IL10: variants seen among roughly 807,000 people sequenced by gnomAD.
IL10 encodes interleukin 10.
Under a neutral mutation model 21.0 loss-of-function variants are expected in IL10, and 7 were observed. The ratio of observed to expected loss-of-function variants is 0.33; its 90% CI spans 0.19 to 0.63. The LOEUF (loss-of-function observed/expected upper bound fraction) is 0.63. IL10 is among the 20% of genes least tolerant of loss of function. The probability of loss-of-function intolerance (pLI) is 0.77; values close to 1 mark genes in which losing one functional copy is unlikely to be tolerated. For missense variants in IL10, 161 were observed against 213.0 expected (o/e 0.76, Z 1.52); for synonymous variants, 83 against 79.7 (o/e 1.04, Z -0.22).
intron 3 of IL10, 104 bp downstream of exon 3, chr1:206,770,803 A>T: frequency 9.0e-7 from 1 of 1,108,472 alleles, no homozygotes; most frequent in Non-Finnish European, 1.4e-6. Context: ...TAGCTCTGCC[A>T]GTCTGTGTCT....
At chr1:206,769,925 C>T (rs1158019536) in intron 3 of IL10, 31 bp from the exon 4 acceptor site, 7 of 1,589,860 alleles carry the variant, frequency 4.4e-6, no homozygotes, top group Non-Finnish European at 3.5e-6. Context: ...TGTTGGTGAT[C>T]CTGGCTTCCA....
In IL10 at chr1:206,768,059, C is replaced by G; in HGVS notation, c.*577G>C. The stretch of plus-strand genomic sequence containing the variant: ...ACCAAATTTAGGTTGTTATAAATAA[C>G]AAGCTGGCCACAGCTTTCAAGAATG... On this transcript the variant is annotated 3_prime_UTR_variant, in exon 5 of 5. Transcript: ENST00000423557. 1 of 193,298 alleles carries G rather than the reference C, an allele frequency of 5.2e-6. No individual in the cohort carries two copies. Among genetic ancestry groups the G allele is most frequent in the East Asian group, 8.1e-5 (1 of 12,298 alleles). The allele number at this position is 193,298 out of a possible 1,614,324, so 12.0% of individuals were successfully genotyped here.
rs1244150736 is a variant in IL10 at position 206,772,468 on chromosome 1, T to C, written c.-33A>G. ...TTTGCAAGTCTGTCTTGTGGTTTGG[T>C]TTTGCAAGAGCAAGCCCCTGATGTG... On this transcript the variant is annotated 5_prime_UTR_variant, in exon 1 of 5. Coordinates refer to ENST00000423557, the MANE Select transcript of IL10 (RefSeq NM_000572.3). 1 of 1,611,858 alleles carries C rather than the reference T, an allele frequency of 6.2e-7. No homozygotes were observed. Among genetic ancestry groups the C allele is most frequent in the Admixed American group, 1.7e-5 (1 of 59,992 alleles).
Position 206,771,388 on chromosome 1 carries a change from A to G in IL10, c.193T>C (p.Leu65=), listed in dbSNP as rs771126533. The change falls in exon 2 of 5, where the codon TTG becomes CTG. Residue 65 remains leucine (L), a synonymous_variant. Transcript: ENST00000423557. ...FQMKDQLDNL[L]LKESLLEDFK... ...TCCTCCAGCAAGGACTCCTTTAACA[A>G]CAAGTTGTCCAGCTGATCCTTCATT... 1.6e-5 allele frequency: 26 copies of G among 1,613,246 alleles called. No homozygotes were observed. The highest frequency in any genetic ancestry group is 2.2e-5 in the Non-Finnish European group (26 of 1,179,734).
intron 1 of IL10, among the ~76,000 whole-genome samples, 170 bp from the exon 2 acceptor site, chr1:206,771,585 C>T (rs1674844414): frequency 6.6e-6 from 1 of 151,942 alleles, no homozygotes. Flanking sequence ...GTGATGGGAC[C>T]ATCACTTAAA....
Position 206,772,311 on chromosome 1 carries a change from C to A in IL10, c.125G>T (p.Arg42Leu). 6 of 1,614,192 alleles carry A rather than the reference C, an allele frequency of 3.7e-6. No homozygotes were observed. The highest frequency in any genetic ancestry group is 5.1e-6 in the Non-Finnish European group (6 of 1,180,020). ...TCTGCTGAAGGCATCTCGGAGATCT[C>A]GAAGCATGTTAGGCAGGTTGCCTGG... The part of the protein sequence containing the change: ...HFPGNLPNML[R>L]DLRDAFSRVK... Residue 42 changes from arginine to leucine, a missense_variant, in exon 1 of 5, where the codon CGA becomes CTA. By Grantham distance (102) the Arg-to-Leu change is moderately radical. Coordinates refer to ENST00000423557, the MANE Select transcript of IL10 (RefSeq NM_000572.3).
At chr1:206,769,678 G>GA (rs2102437750) in intron 4 of IL10, 151 bp downstream of exon 4, 1 of 717,760 alleles carries the variant, frequency 1.4e-6, no homozygotes, top group East Asian at 2.6e-5. Context: ...GCTCCTCACT[G>GA]GCTGAGCAGG....
At chr1:206,770,817 C>T in intron 3 of IL10, 90 bp downstream of exon 3, 1 of 1,237,974 alleles carries the variant, frequency 8.1e-7, no homozygotes, top group Non-Finnish European at 1.2e-6. Flanking sequence ...TGTGTCTTTG[C>T]TGTGTCTGTG....
In IL10 at chr1:206,768,095, G is replaced by A; in HGVS notation, c.*541C>T. Reference sequence around the variant, plus strand: ...CAGCTTTCAAGAATGAAGTGGTTGGGGAATGAGGTTAGGGGAATCCCTCCG... The same window carrying A: ...CAGCTTTCAAGAATGAAGTGGTTGGAGAATGAGGTTAGGGGAATCCCTCCG... On this transcript the variant is annotated 3_prime_UTR_variant, in exon 5 of 5. Coordinates refer to ENST00000423557, the MANE Select transcript of IL10 (RefSeq NM_000572.3). 1 of 204,308 alleles carries A rather than the reference G, an allele frequency of 4.9e-6. No homozygotes were observed. The highest frequency in any genetic ancestry group is 1.0e-5 in the Non-Finnish European group (1 of 99,616). The allele number at this position is 204,308 out of a possible 1,614,324, so 12.7% of individuals were successfully genotyped here.
Position 206,771,342 on chromosome 1 carries a change from G to A in IL10, c.225+14C>T, listed in dbSNP as rs779987907. ...ATGCTGCACACTCCCCCAGCACCCCGCCCCTGCTCTCACCTTAAAGTCCTC... is the reference window on the plus strand; with the variant it reads ...ATGCTGCACACTCCCCCAGCACCCCACCCCTGCTCTCACCTTAAAGTCCTC... On this transcript the variant is annotated intron_variant, in intron 2 of 4. Transcript: ENST00000423557. 22 of 1,610,564 alleles carry A rather than the reference G, an allele frequency of 1.4e-5. No individual in the cohort carries two copies. The highest frequency in any genetic ancestry group is 1.7e-4 in the Middle Eastern group (1 of 5,842).
At position 206,768,432 on chromosome 1, in the gene IL10, T is replaced by C. The variant is rs969851498; in HGVS notation, c.*204A>G. ...ATAAATATTGAAAAAAATTATAATA[T>C]TGGGCTTCTTTCTAAATCGTTCACA... is the stretch of plus-strand genomic sequence containing the variant. On this transcript the variant is annotated 3_prime_UTR_variant, in exon 5 of 5. Transcript: ENST00000423557. The C allele has an allele frequency of 1.8e-6, 1 of 553,026 alleles. No homozygotes were observed. The highest frequency in any genetic ancestry group is 3.2e-6 in the Non-Finnish European group (1 of 312,354). 34.3% of individuals were successfully genotyped at this position (553,026 alleles called of 1,614,324 possible).
rs774794282 is a variant in IL10, at chr1:206,772,304, G to A, written c.132C>T (p.Leu44=). 18 of 1,614,094 alleles carry A rather than the reference G, an allele frequency of 1.1e-5. No homozygotes were observed. The highest frequency in any genetic ancestry group is 1.5e-5 in the Non-Finnish European group (18 of 1,180,030). Residue 44 remains leucine (L), a synonymous_variant, in exon 1 of 5, where the codon CTC becomes CTT. Coordinates refer to ENST00000423557, the MANE Select transcript of IL10 (RefSeq NM_000572.3). The stretch of plus-strand genomic sequence containing the variant: ...TCTTCACTCTGCTGAAGGCATCTCG[G>A]AGATCTCGAAGCATGTTAGGCAGGT... ...PGNLPNMLRD[L]RDAFSRVKTF... is the part of the protein sequence containing the mutation.
At chr1:206,769,787 G>C in intron 4 of IL10, 42 bp downstream of exon 4, 1 of 1,493,928 alleles carries the variant, frequency 6.7e-7, no homozygotes, top group South Asian at 1.1e-5. Flanking sequence ...AGTGGGCATG[G>C]GTTGTGCTCT....
chr1:206,770,334 T>C (rs781453944), intron 3 of IL10: 3 of 316,490 alleles, frequency 9.5e-6, no homozygotes, highest in Non-Finnish European at 1.9e-5. Context: ...TTTTCCAATA[T>C]TGGTGACAGA....
chr1:206,771,065 G>T lies in IL10; in HGVS notation c.226-6C>A. The T allele has an allele frequency of 1.2e-6, 2 of 1,613,986 alleles. No individual in the cohort carries two copies. Among genetic ancestry groups the T allele is most frequent in the Non-Finnish European group, 8.5e-7 (1 of 1,179,922 alleles). On this transcript the variant is annotated splice_polypyrimidine_tract_variant and splice_region_variant and intron_variant, in intron 2 of 4. Coordinates refer to ENST00000423557, the MANE Select transcript of IL10 (RefSeq NM_000572.3). ...GCTTGGCAACCCAGGTAACCCTAAG[G>T]GCAGGAGCCAAAGGTGAGTGAGAGA...
Position 206,768,395 on chromosome 1 carries a change from CAG to C in IL10, c.*239_*240del, listed in dbSNP as rs1297564460. The C allele has an allele frequency of 2.1e-6, 1 of 472,792 alleles. No individual in the cohort carries two copies. The highest frequency in any genetic ancestry group is 3.8e-6 in the Non-Finnish European group (1 of 262,622). 29.3% of individuals were successfully genotyped at this position (472,792 alleles called of 1,614,324 possible). ...TCACCCTATGGAAACAGCTTAAAAA[CAG>C]GTGAAAATAATAAATATTGAAAAAA... On this transcript the variant is annotated 3_prime_UTR_variant, in exon 5 of 5. Transcript: ENST00000423557.
Position 206,772,483 on chromosome 1 carries a change from C to T in IL10, c.-48G>A, listed in dbSNP as rs756344226. The T allele has an allele frequency of 1.9e-6, 3 of 1,582,590 alleles. No individual in the cohort carries two copies. Among genetic ancestry groups the T allele is most frequent in the Non-Finnish European group, 2.6e-6 (3 of 1,153,832 alleles). On this transcript the variant is annotated 5_prime_UTR_variant, in exon 1 of 5. Coordinates refer to ENST00000423557, the MANE Select transcript of IL10 (RefSeq NM_000572.3). ...TGTGGTTTGGTTTTGCAAGAGCAAG[C>T]CCCTGATGTGTAGACCTTCACCTCT...
chr1:206,770,100 CT>C (rs1256505960), intron 3 of IL10, among the ~76,000 whole-genome samples: 1 of 152,170 alleles, frequency 6.6e-6, no homozygotes, highest in East Asian at 1.9e-4. Flanking sequence ...GTTTGCAAGG[CT>C]TGGATGACAA....
In IL10 at chr1:206,770,945, C is replaced by G; in HGVS notation, c.340G>C (p.Glu114Gln). 6.2e-7 allele frequency: 1 copy of G among 1,614,126 alleles called. No homozygotes were observed. Among genetic ancestry groups the G allele is most frequent in the Non-Finnish European group, 8.5e-7 (1 of 1,179,988 alleles). The change falls in exon 3 of 5, where the codon GAG becomes CAG. Residue 114 changes from glutamate (E) to glutamine (Q), a missense_variant. By Grantham distance (29) the Glu-to-Gln change is conservative. Coordinates refer to ENST00000423557, the MANE Select transcript of IL10 (RefSeq NM_000572.3). Reference sequence around the variant, plus strand: ...CTCAGCCTGAGGGTCTTCAGGTTCTCCCCCAGGGAGTTCACATGCGCCTTG... The same window carrying G: ...CTCAGCCTGAGGGTCTTCAGGTTCTGCCCCAGGGAGTTCACATGCGCCTTG... ...DIKAHVNSLG[E>Q]NLKTLRLRLR...
Sources: allele counts gnomAD v4.1 joint callset (sites outside exome capture counted in the v4.1 genomes callset), GRCh38; gene constraint gnomAD v4.1.1; transcripts MANE v1.5; gene names NCBI Gene and HGNC (gene_info 2026-07-23, HGNC 2026-07-21).